Variants in PALM2AKAP2 observed in about 807,000 individuals in gnomAD.
PALM2AKAP2 encodes the protein PALM2 and AKAP2 fusion, also known as PALM2-AKAP2 fusion protein.
In PALM2AKAP2, 37 loss-of-function variants were observed where a neutral mutation model predicts 71.5. The ratio of observed to expected loss-of-function variants is 0.52; its 90% CI spans 0.40 to 0.68. The LOEUF is 0.68. PALM2AKAP2 is among the 30% of genes least tolerant of loss of function. PALM2AKAP2 has a pLI of 0.00. For missense variants in PALM2AKAP2, 1,224 were observed against 1,191.8 expected (o/e 1.03, Z -0.40); for synonymous variants, 468 against 478.8 (o/e 0.98, Z 0.29).
At chr9:110,090,127 G>C in intron 1 of PALM2AKAP2, 2 of 294,270 alleles carry the variant, frequency 6.8e-6, no homozygotes, top group Non-Finnish European at 6.9e-6. Context: ...GTTCCAAAGT[G>C]TACCTTTGAA....
chr9:109,867,004 G>A (rs749698189), intron 1 of PALM2AKAP2: 96 of 456,264 alleles, frequency 2.1e-4, no homozygotes, highest in Non-Finnish European at 3.4e-4. Flanking sequence ...TTGAAACAAC[G>A]TCTGCTTATT....
intron 2 of PALM2AKAP2, among the ~76,000 whole-genome samples, chr9:110,149,300 G>GT (rs1195246997): frequency 6.6e-6 from 1 of 152,214 alleles, no homozygotes; most frequent in Admixed American, 6.5e-5. Flanking sequence ...GAGATGAACA[G>GT]TTTTTTTCCT....
At chr9:110,119,345 A>G (rs1160050868) in intron 1 of PALM2AKAP2, among the ~76,000 whole-genome samples, 2 of 134,178 alleles carry the variant, frequency 1.5e-5, no homozygotes, top group Non-Finnish European at 1.5e-5. Flanking sequence ...CCATCTCAAA[A>G]AAAAAAAAAA....
chr9:109,918,563 G>A (rs1443071052), intron 3 of PALM2AKAP2, among the ~76,000 whole-genome samples: 2 of 152,196 alleles, frequency 1.3e-5, no homozygotes, highest in African/African-American at 4.8e-5. Flanking sequence ...TTTTAGCACA[G>A]CAACATCTAC....
chr9:109,975,315 C>G (rs1832152548), intron 6 of PALM2AKAP2, among the ~76,000 whole-genome samples: 1 of 152,160 alleles, frequency 6.6e-6, no homozygotes, highest in Non-Finnish European at 1.5e-5. Flanking sequence ...TCCAATGGTC[C>G]AAGAACCAGG....
chr9:110,118,206 T>TAC (rs1455595929), intron 1 of PALM2AKAP2, among the ~76,000 whole-genome samples: 813 of 74,400 alleles, frequency 0.011, 5 homozygotes, highest in African/African-American at 0.034. Context: ...TATACAGAAA[T>TAC]ATACACACAC....
chr9:109,893,409 C>T lies in PALM2AKAP2; in HGVS notation c.257+12728C>T, dbSNP rs150937032. Among the ~76,000 whole-genome samples, 468 of 152,186 alleles carry T rather than the reference C, an allele frequency of 3.1e-3. 2 individuals carry two copies. The highest frequency in any genetic ancestry group is 0.01 in the African/African-American group (433 of 41,530). ...ATTGTGGGCAGACCAAGTTGAAAAG[C>T]GTGAGAGGCTAGAGTTATCTCAGCA... is the stretch of plus-strand genomic sequence containing the variant. On this transcript the variant is annotated intron_variant, in intron 3 of 9. Coordinates refer to the PALM2AKAP2 transcript ENST00000302798.
chr9:109,750,239 T>C (rs527673539), intron 1 of PALM2AKAP2, among the ~76,000 whole-genome samples: 21 of 152,276 alleles, frequency 1.4e-4, no homozygotes, highest in African/African-American at 4.8e-4. Context: ...TTTCTAGCAA[T>C]AGGGACTTGC....
chr9:109,846,790 G>A (rs1828869991), intron 1 of PALM2AKAP2, among the ~76,000 whole-genome samples: 1 of 152,214 alleles, frequency 6.6e-6, no homozygotes, highest in African/African-American at 2.4e-5. Flanking sequence ...GAGTACACTA[G>A]TTGAAGAATA....
intron 1 of PALM2AKAP2, chr9:110,125,709 G>C: frequency 9.1e-6 from 5 of 549,224 alleles, no homozygotes; most frequent in Non-Finnish European, 1.2e-5. Flanking sequence ...AGTGTGTCAT[G>C]TGCTGTGGAG....
chr9:109,846,771 A>G (rs959471317), intron 1 of PALM2AKAP2, among the ~76,000 whole-genome samples: 2 of 152,222 alleles, frequency 1.3e-5, no homozygotes, highest in African/African-American at 4.8e-5. Context: ...TCCTTCCTCC[A>G]GGAATAAAGA....
intron 2 of PALM2AKAP2, among the ~76,000 whole-genome samples, chr9:109,878,344 G>A (rs549404382): frequency 1.3e-5 from 2 of 152,308 alleles, no homozygotes; most frequent in East Asian, 3.9e-4. Context: ...ATATTGAGGT[G>A]TGGGGGTGGA....
At chr9:109,757,547 C>T (rs937126297) in intron 1 of PALM2AKAP2, among the ~76,000 whole-genome samples, 1 of 152,124 alleles carries the variant, frequency 6.6e-6, no homozygotes, top group Non-Finnish European at 1.5e-5. Context: ...CATTGCACAA[C>T]TCCAAGGAGT....
chr9:109,867,170 G>C (rs551215220), intron 1 of PALM2AKAP2: 11,802 of 231,250 alleles, frequency 0.051, 467 homozygotes, highest in African/African-American at 0.23. Flanking sequence ...TTCTCTGTGT[G>C]TGTGTGTGTG....
chr9:110,089,366 T>C (rs1347404903), intron 1 of PALM2AKAP2, among the ~76,000 whole-genome samples: 1 of 152,148 alleles, frequency 6.6e-6, no homozygotes, highest in African/African-American at 2.4e-5. Flanking sequence ...AAACCAGCCA[T>C]GAAAAGATCT....
At chr9:109,832,359 T>C (rs1041254749) in intron 1 of PALM2AKAP2, among the ~76,000 whole-genome samples, 1 of 152,194 alleles carries the variant, frequency 6.6e-6, no homozygotes, top group Non-Finnish European at 1.5e-5. Context: ...TGACAATAAC[T>C]GTACCCACCT....
rs577458800 is a variant in PALM2AKAP2 at position 110,157,980 on chromosome 9, G to T, written c.2748+1483G>T. 2.6e-5 allele frequency among the ~76,000 whole-genome samples: 4 copies of T among 152,298 alleles called. No individual in the cohort carries two copies. The East Asian group carries it at 5.8e-4, about 22-fold the overall frequency. On this transcript the variant is annotated intron_variant, in intron 3 of 3. Coordinates refer to ENST00000374525, the Ensembl canonical transcript of PALM2AKAP2. ...TCCCTTTTGTTTACACCTGAACTGC[G>T]TGGAGCACTGGCTCAGCTGCTGTAT... is the stretch of plus-strand genomic sequence containing the variant.
upstream of PALM2AKAP2, among the ~76,000 whole-genome samples, chr9:109,777,643 A>G (rs528080953): frequency 3.3e-5 from 5 of 152,250 alleles, no homozygotes; most frequent in African/African-American, 1.2e-4. Flanking sequence ...TTCCAAGCTC[A>G]TCTTCTGGAC....
chr9:109,640,806 G>A, exon 1 of PALM2AKAP2: 4 of 1,502,506 alleles, frequency 2.7e-6, no homozygotes, highest in Non-Finnish European at 3.5e-6. Flanking sequence ...GGCTCCGGGA[G>A]AGGCGAGCAG....
Sources: gnomAD v4.1 joint callset for allele counts (sites outside exome capture counted in the v4.1 genomes callset) on GRCh38, gnomAD v4.1.1 for gene constraint, MANE v1.5 for transcripts, NCBI Gene and HGNC (gene_info 2026-07-23, HGNC 2026-07-21) for gene names.